Variants in MLIP observed in about 807,000 individuals in gnomAD.
The protein encoded by MLIP is muscular LMNA interacting protein.
In MLIP, 79 loss-of-function variants were observed where a neutral mutation model predicts 84.8. The observed-to-expected ratio is 0.93, with a 90% CI of 0.78 to 1.12. The LOEUF (loss-of-function observed/expected upper bound fraction) is 1.12, where lower values mean the gene tolerates loss of function less well. Among genes scored for constraint, MLIP ranks in the 50% most tolerant of loss-of-function variants. The pLI, the probability that MLIP is intolerant of heterozygous loss-of-function variation, is 0.00. For synonymous variants in MLIP, 504 were observed against 463.0 expected (o/e 1.09, Z -1.14); for missense variants, 1,257 against 1,160.6 (o/e 1.08, Z -1.21).
At chr6:54,190,005 C>CTA in intron 10 of MLIP, 91 bp downstream of exon 10, 6 of 851,368 alleles carry the variant, frequency 7.0e-6, no homozygotes, top group South Asian at 6.7e-5. Context: ...AATACATTTA[C>CTA]TATATATATT....
chr6:54,181,956 G>A (rs1211359851), intron 9 of MLIP, among the ~76,000 whole-genome samples: 2 of 152,048 alleles, frequency 1.3e-5, no homozygotes, highest in Admixed American at 1.3e-4. Context: ...TTGTTGCTGC[G>A]AGCAGCACTG....
chr6:54,039,743 T>G (rs1193555123), intron 1 of MLIP, among the ~76,000 whole-genome samples: 1 of 151,914 alleles, frequency 6.6e-6, no homozygotes, highest in African/African-American at 2.4e-5. Context: ...TTGAAAAGAA[T>G]AGAGGTAATG....
intron 1 of MLIP, among the ~76,000 whole-genome samples, chr6:54,031,999 A>C (rs533467607): frequency 6.6e-6 from 1 of 152,308 alleles, no homozygotes; most frequent in Non-Finnish European, 1.5e-5. Flanking sequence ...GGAGAATGGC[A>C]GTCTCCCGTC....
At chr6:54,043,015 T>C (rs893622557) in intron 1 of MLIP, among the ~76,000 whole-genome samples, 1 of 152,160 alleles carries the variant, frequency 6.6e-6, no homozygotes, top group Non-Finnish European at 1.5e-5. Flanking sequence ...CTGTTTAGGA[T>C]AAACTGTAGG....
chr6:54,095,091 A>G (rs1471986432), intron 1 of MLIP, among the ~76,000 whole-genome samples: 1 of 152,194 alleles, frequency 6.6e-6, no homozygotes, highest in Admixed American at 6.5e-5. Context: ...CATCTCTTGA[A>G]GTAGCTATCG....
At chr6:54,025,692 A>G (rs1324317874) in intron 1 of MLIP, among the ~76,000 whole-genome samples, 1 of 152,048 alleles carries the variant, frequency 6.6e-6, no homozygotes, top group African/African-American at 2.4e-5. Context: ...CTGAGGGACA[A>G]TTTTGATGGT....
intron 5 of MLIP, 65 bp from the exon 6 acceptor site, chr6:54,160,302 G>C: frequency 7.7e-7 from 1 of 1,298,176 alleles, no homozygotes; most frequent in Admixed American, 1.9e-5. Flanking sequence ...TTTCTTTGAA[G>C]ATACTTTTCT....
At chr6:54,075,856 A>G (rs1766773429) in intron 1 of MLIP, among the ~76,000 whole-genome samples, 1 of 152,198 alleles carries the variant, frequency 6.6e-6, no homozygotes, top group Admixed American at 6.5e-5. Flanking sequence ...GCCAGGTGAC[A>G]CCCTCAGAGG....
intron 12 of MLIP, among the ~76,000 whole-genome samples, chr6:54,252,379 ATATAT>A (rs1270262565): frequency 8.8e-6 from 1 of 113,854 alleles, no homozygotes; most frequent in African/African-American, 4.3e-5. Context: ...TATAACTATA[ATATAT>A]TATAACATAT....
chr6:54,160,733 T>C lies in MLIP; in HGVS notation c.2440-7T>C, dbSNP rs566392958. On this transcript the variant is annotated splice_polypyrimidine_tract_variant and splice_region_variant and intron_variant, in intron 7 of 13. Coordinates refer to ENST00000502396, the MANE Select transcript of MLIP (RefSeq NM_001281747.2). ...CTTCTTCTTTCCTTCCTTTCTTTTT[T>C]TTTCAGCATTCTTCTGATTCTCCTT... The C allele has an allele frequency of 2.5e-6, 4 of 1,574,594 alleles. No homozygotes were observed. In the South Asian group the frequency reaches 4.4e-5, roughly 17 times the overall value.
At chr6:54,258,628 C>CT (rs1783179533) in intron 13 of MLIP, among the ~76,000 whole-genome samples, 1 of 151,914 alleles carries the variant, frequency 6.6e-6, no homozygotes, top group Admixed American at 6.6e-5. Flanking sequence ...TCCATGCAGT[C>CT]TTGGCAGCAT....
intron 8 of MLIP, among the ~76,000 whole-genome samples, chr6:54,165,312 T>C (rs1775065821): frequency 6.6e-6 from 1 of 151,940 alleles, no homozygotes; most frequent in Non-Finnish European, 1.5e-5. Flanking sequence ...TATGGTATAT[T>C]CTTCTCTTCC....
chr6:54,167,841 G>T (rs546461624), intron 8 of MLIP, among the ~76,000 whole-genome samples: 53 of 151,862 alleles, frequency 3.5e-4, no homozygotes, highest in African/African-American at 1.3e-3. Flanking sequence ...TGTGTCTTCT[G>T]GGTCACTCTT....
intron 11 of MLIP, among the ~76,000 whole-genome samples, chr6:54,212,683 AATC>A (rs1296598514): frequency 1.3e-5 from 2 of 152,118 alleles, no homozygotes. Flanking sequence ...TGTATTGAGA[AATC>A]ATCAATATGA....
At chr6:54,077,687 A>G (rs1766887047) in intron 1 of MLIP, among the ~76,000 whole-genome samples, 1 of 152,222 alleles carries the variant, frequency 6.6e-6, no homozygotes, top group South Asian at 2.1e-4. Flanking sequence ...GCCATGTGTC[A>G]GTGTGTACTG....
At chr6:54,199,537 G>C (rs996443763) in intron 10 of MLIP, among the ~76,000 whole-genome samples, 1 of 152,176 alleles carries the variant, frequency 6.6e-6, no homozygotes, top group Non-Finnish European at 1.5e-5. Context: ...AAGGCATGAG[G>C]AAGGTGCAGA....
chr6:54,025,916 A>T (rs1350111946), intron 1 of MLIP, among the ~76,000 whole-genome samples: 1 of 152,160 alleles, frequency 6.6e-6, no homozygotes, highest in Non-Finnish European at 1.5e-5. Flanking sequence ...CATCATTGGT[A>T]TATTTTAAAT....
At chr6:54,133,971 A>C (rs1424967838) in intron 3 of MLIP, among the ~76,000 whole-genome samples, 1 of 152,150 alleles carries the variant, frequency 6.6e-6, no homozygotes, top group Non-Finnish European at 1.5e-5. Context: ...CAAAGGAATC[A>C]ATAAAGATGA....
chr6:54,034,657 C>T (rs1232551625), intron 1 of MLIP, among the ~76,000 whole-genome samples: 1 of 151,674 alleles, frequency 6.6e-6, no homozygotes, highest in African/African-American at 2.4e-5. Flanking sequence ...AGTATTATTA[C>T]AAAAGTCAAA....
Sources: allele counts gnomAD v4.1 joint callset (sites outside exome capture counted in the v4.1 genomes callset), GRCh38; gene constraint gnomAD v4.1.1; transcripts MANE v1.5; gene names NCBI Gene and HGNC (gene_info 2026-07-23, HGNC 2026-07-21).